Variants in COL13A1 observed in about 807,000 individuals in gnomAD.
COL13A1 encodes collagen alpha-1(XIII) chain.
In COL13A1, 89 loss-of-function variants were observed where a neutral mutation model predicts 130.9. The observed-to-expected ratio is 0.68, with a 90% CI of 0.57 to 0.81. The LOEUF (loss-of-function observed/expected upper bound fraction) is 0.81, where lower values mean the gene tolerates loss of function less well. Ranked by LOEUF, COL13A1 falls within the 30% of genes least tolerant of loss-of-function variation. COL13A1 has a pLI of 0.00. For synonymous variants in COL13A1, 402 were observed against 341.6 expected (o/e 1.18, Z -1.95); for missense variants, 879 against 934.6 (o/e 0.94, Z 0.78).
chr10:69,814,116 C>G (rs573179058), intron 1 of COL13A1, among the ~76,000 whole-genome samples: 1 of 152,360 alleles, frequency 6.6e-6, no homozygotes, highest in South Asian at 2.1e-4. Flanking sequence ...CAAAAGGCCT[C>G]TAGCAGATGG....
At chr10:69,877,824 C>T (rs776860920) in intron 5 of COL13A1, among the ~76,000 whole-genome samples, 1 of 152,148 alleles carries the variant, frequency 6.6e-6, no homozygotes, top group Non-Finnish European at 1.5e-5. Flanking sequence ...ATTGCAGCAG[C>T]GCCTTCCACA....
chr10:69,919,006 G>T, intron 19 of COL13A1, 56 bp from the exon 20 acceptor site: 1 of 1,611,234 alleles, frequency 6.2e-7, no homozygotes, highest in African/African-American at 1.3e-5. Context: ...CAGGTGCCTT[G>T]CTCATTTGTT....
intron 17 of COL13A1, among the ~76,000 whole-genome samples, chr10:69,909,854 A>G (rs1369959686): frequency 6.6e-6 from 1 of 152,082 alleles, no homozygotes; most frequent in South Asian, 2.1e-4. Flanking sequence ...CATTTATTCC[A>G]CCTTATTCAG....
chr10:69,828,103 G>T (rs1281859797), intron 2 of COL13A1, among the ~76,000 whole-genome samples: 4 of 152,170 alleles, frequency 2.6e-5, no homozygotes, highest in Non-Finnish European at 4.4e-5. Flanking sequence ...GCAAATAATT[G>T]ATGGGCTACT....
At chr10:69,824,688 GAC>G (rs929441739) in intron 2 of COL13A1, among the ~76,000 whole-genome samples, 3 of 152,158 alleles carry the variant, frequency 2.0e-5, no homozygotes, top group African/African-American at 7.2e-5. Flanking sequence ...GCGGGGAAGG[GAC>G]AGCAGCAAGG....
At chr10:69,899,840 G>C (rs1170400277) in intron 14 of COL13A1, among the ~76,000 whole-genome samples, 2 of 152,120 alleles carry the variant, frequency 1.3e-5, no homozygotes, top group Non-Finnish European at 2.9e-5. Context: ...CAGTGGCAGG[G>C]CTCTGAGCTG....
At chr10:69,841,349 C>G (rs368137608) in intron 2 of COL13A1, among the ~76,000 whole-genome samples, 1 of 152,204 alleles carries the variant, frequency 6.6e-6, no homozygotes, top group Non-Finnish European at 1.5e-5. Flanking sequence ...AAGCATAAAC[C>G]TATCCCACTG....
chr10:69,938,594 C>A (rs1163794926), intron 34 of COL13A1, among the ~76,000 whole-genome samples: 2 of 152,302 alleles, frequency 1.3e-5, no homozygotes, highest in Non-Finnish European at 2.9e-5. Context: ...GCCACTCAGG[C>A]TTCCTCTGTC....
chr10:69,921,824 T>C (rs2135602996), intron 21 of COL13A1, 58 bp from the exon 22 acceptor site: 1 of 1,566,194 alleles, frequency 6.4e-7, no homozygotes, highest in East Asian at 2.4e-5. Context: ...GCTGGTGGCT[T>C]CCCAAACCTG....
rs1462679694 is a variant in COL13A1, at chr10:69,947,276, A to G, written c.2023-31A>G. ...TACAGCTGGCCTGTGTGTCCTCATT[A>G]ACATGCCTTTCTTCCTCTGATCTCT... On this transcript the variant is annotated intron_variant, in intron 37 of 40. Coordinates refer to ENST00000645393, the MANE Select transcript of COL13A1 (RefSeq NM_001368882.1). The G allele has an allele frequency of 2.5e-6, 4 of 1,611,350 alleles. No individual in the cohort carries two copies. In the African/African-American group the frequency reaches 5.3e-5, roughly 22 times the overall value.
intron 1 of COL13A1, among the ~76,000 whole-genome samples, chr10:69,817,496 G>A (rs1480508130): frequency 6.6e-6 from 1 of 151,862 alleles, no homozygotes; most frequent in Non-Finnish European, 1.5e-5. Context: ...AAGGGTTGAG[G>A]GAACCACAGA....
chr10:69,850,193 T>G (rs1271814663), intron 2 of COL13A1, among the ~76,000 whole-genome samples: 1 of 151,498 alleles, frequency 6.6e-6, no homozygotes, highest in Non-Finnish European at 1.5e-5. Context: ...ATTTGTAAAA[T>G]GAATTTGTGC....
intron 2 of COL13A1, among the ~76,000 whole-genome samples, chr10:69,826,210 C>T (rs755221592): frequency 4.4e-4 from 67 of 152,294 alleles, no homozygotes; most frequent in Non-Finnish European, 8.4e-4. Context: ...AGGCCCGCCA[C>T]GCTGGGGCTG....
chr10:69,930,208 G>T, intron 29 of COL13A1, 121 bp downstream of exon 29: 1 of 865,536 alleles, frequency 1.2e-6, no homozygotes, highest in Non-Finnish European at 1.7e-6. Context: ...GGGAAGGGGA[G>T]ATGGGGGGGG....
At chr10:69,824,269 C>A in intron 2 of COL13A1, 1 of 418,626 alleles carries the variant, frequency 2.4e-6, no homozygotes. Flanking sequence ...AACTGCCTCT[C>A]GCACTTCAAA....
chr10:69,901,543 G>A (rs1450414695), intron 14 of COL13A1, among the ~76,000 whole-genome samples: 3 of 152,222 alleles, frequency 2.0e-5, no homozygotes, highest in Admixed American at 6.5e-5. Context: ...AAGGTGGGCC[G>A]GCCTGGAACT....
chr10:69,904,838 G>C, intron 15 of COL13A1, 95 bp from the exon 16 acceptor site: 1 of 1,346,230 alleles, frequency 7.4e-7, no homozygotes, highest in Non-Finnish European at 1.0e-6. Context: ...ATTGGGAGCT[G>C]CTCTGCCCCT....
chr10:69,904,565 C>T (rs2683576), intron 15 of COL13A1, among the ~76,000 whole-genome samples: 122,274 of 152,162 alleles, frequency 0.8, 50,521 homozygotes, highest in East Asian at 0.98. Context: ...CGAGGCTTTG[C>T]TGGGCAAGGC....
chr10:69,871,844 A>G (rs568460984), intron 3 of COL13A1, among the ~76,000 whole-genome samples: 37 of 152,330 alleles, frequency 2.4e-4, no homozygotes, highest in African/African-American at 7.7e-4. Flanking sequence ...AGTGCTTTAC[A>G]TACATTCTCT....
Sources: allele counts gnomAD v4.1 joint callset (sites outside exome capture counted in the v4.1 genomes callset), GRCh38; gene constraint gnomAD v4.1.1; transcripts MANE v1.5; gene names NCBI Gene and HGNC (gene_info 2026-07-23, HGNC 2026-07-21).